Variants in KYNU observed in about 807,000 individuals in gnomAD.
KYNU encodes kynureninase, also known as L-kynurenine hydrolase.
Under a neutral mutation model 59.2 loss-of-function variants are expected in KYNU, and 54 were observed. The ratio of observed to expected loss-of-function variants is 0.91; its 90% confidence interval spans 0.73 to 1.14. KYNU has a LOEUF of 1.14. Ranked by LOEUF, KYNU falls within the 50% of genes most tolerant of loss-of-function variation. KYNU has a pLI of 0.00. For synonymous variants in KYNU, 177 were observed against 192.0 expected (o/e 0.92, Z 0.65); for missense variants, 567 against 554.4 (o/e 1.02, Z -0.23).
At chr2:143,029,453 G>T (rs1686675378) in intron 10 of KYNU, among the ~76,000 whole-genome samples, 174 bp from the exon 11 acceptor site, 1 of 152,122 alleles carries the variant, frequency 6.6e-6, no homozygotes, top group South Asian at 2.1e-4. Context: ...GGGCATGGTG[G>T]TGCATGCTTG....
chr2:142,905,982 T>TTC (rs1682280275), intron 2 of KYNU, among the ~76,000 whole-genome samples: 1 of 151,790 alleles, frequency 6.6e-6, no homozygotes, highest in Admixed American at 6.6e-5. Context: ...TTCTATTTCT[T>TTC]TCTCTCTCTC....
rs1682796113 is a variant in KYNU at position 142,919,519 on chromosome 2, C to A, written c.290+790C>A. Among the ~76,000 whole-genome samples the A allele has an allele frequency of 1.1e-4, 16 of 152,150 alleles. No individual in the cohort carries two copies. The South Asian group carries it at 3.3e-3, about 32-fold the overall frequency. On this transcript the variant is annotated intron_variant, in intron 3 of 13. Coordinates refer to ENST00000264170, the MANE Select transcript of KYNU (RefSeq NM_003937.3). ...AGGAAAACGTTTCAGAAAGATGAAA[C>A]CAAACCAAATAGAATTTCAGAGGAA...
chr2:142,918,132 C>A (rs973814747), intron 2 of KYNU, among the ~76,000 whole-genome samples: 6 of 152,214 alleles, frequency 3.9e-5, no homozygotes, highest in African/African-American at 4.8e-5. Context: ...ATGAAAAAAA[C>A]CGCATAAATC....
At chr2:142,973,767 G>T (rs776736296) in intron 8 of KYNU, among the ~76,000 whole-genome samples, 1 of 152,016 alleles carries the variant, frequency 6.6e-6, no homozygotes, top group African/African-American at 2.4e-5. Context: ...TTTACGTCAG[G>T]CTCTGGGTTT....
In KYNU at chr2:142,883,319, C is replaced by G. The variant is rs375215759; in HGVS notation, c.-19-2030C>G. Among the ~76,000 whole-genome samples the G allele has an allele frequency of 4.1e-3, 623 of 150,632 alleles. 8 individuals are homozygous for G. Among genetic ancestry groups the G allele is most frequent in the African/African-American group, 0.014 (590 of 41,060 alleles). On this transcript the variant is annotated intron_variant, in intron 1 of 13. Transcript: ENST00000264170. ...ACGCCATTCTCCTGCCTCAGCTTCCCGAGTAGCTGGGACTACAGGCGCCCG... is the reference window on the plus strand; with the variant it reads ...ACGCCATTCTCCTGCCTCAGCTTCCGGAGTAGCTGGGACTACAGGCGCCCG...
chr2:143,033,143 A>T, intron 11 of KYNU, 93 bp from the exon 12 acceptor site: 1 of 878,020 alleles, frequency 1.1e-6, no homozygotes, highest in Non-Finnish European at 1.9e-6. Flanking sequence ...AGAAAAGTTT[A>T]AGTCTTGCTC....
chr2:142,935,318 A>G (rs73963796), intron 4 of KYNU, among the ~76,000 whole-genome samples: 10,331 of 152,202 alleles, frequency 0.068, 918 homozygotes, highest in African/African-American at 0.21. Flanking sequence ...TTACTACTCT[A>G]TGGGCACCCT....
chr2:142,952,923 C>T (rs956184637), intron 4 of KYNU, among the ~76,000 whole-genome samples: 4 of 151,934 alleles, frequency 2.6e-5, no homozygotes, highest in Non-Finnish European at 2.9e-5. Context: ...CTCACCCTGC[C>T]ATTTTTTTTA....
At position 142,954,849 on chromosome 2, in the gene KYNU, C is replaced by T. The variant is rs377046390; in HGVS notation, c.413C>T (p.Thr138Ile). ...EKEIALMNAL[T>I]VNLHLLMLSF... Reference sequence around the variant, plus strand: ...GAAATAGCCCTAATGAATGCTTTGACTGTAAATTTACATCTTCTAATGGTA... The same window carrying T: ...GAAATAGCCCTAATGAATGCTTTGATTGTAAATTTACATCTTCTAATGGTA... Residue 138 changes from threonine (T) to isoleucine (I), a missense_variant, in exon 5 of 14, where the codon ACT becomes ATT. Transcript: ENST00000264170. 7 of 1,597,590 alleles carry T rather than the reference C, an allele frequency of 4.4e-6. No homozygotes were observed. The highest frequency in any genetic ancestry group is 1.1e-5 in the South Asian group (1 of 90,664).
intron 4 of KYNU, among the ~76,000 whole-genome samples, chr2:142,954,542 C>G (rs1684099750): frequency 6.6e-6 from 1 of 152,036 alleles, no homozygotes. Flanking sequence ...TTTTAGTTTA[C>G]AGGCAAAAGC....
chr2:142,978,343 G>A (rs1284037647), intron 8 of KYNU, among the ~76,000 whole-genome samples: 1 of 152,050 alleles, frequency 6.6e-6, no homozygotes, highest in East Asian at 1.9e-4. Flanking sequence ...TAGCACTGTA[G>A]TTCTTGGATT....
intron 10 of KYNU, among the ~76,000 whole-genome samples, chr2:143,028,291 G>A (rs1686636832): frequency 8.3e-6 from 1 of 120,902 alleles, no homozygotes; most frequent in Non-Finnish European, 1.6e-5. Context: ...TGTCACCCAG[G>A]TTGGAGTGCA....
rs528865490 is a variant in KYNU at position 143,028,050 on chromosome 2, G to A, written c.903-1577G>A. Among the ~76,000 whole-genome samples the A allele has an allele frequency of 2.0e-5, 3 of 151,830 alleles. 1 individual carries two copies. Among genetic ancestry groups the A allele is most frequent in the African/African-American group, 7.2e-5 (3 of 41,474 alleles). ...GTCATCTCCCAAAAAATAGTGTCTT[G>A]GAATTTTTATTTGGACATCACTAAA... On this transcript the variant is annotated intron_variant, in intron 10 of 13. Transcript: ENST00000264170.
At position 143,040,564 on chromosome 2, in the gene KYNU, C is replaced by T. The variant is rs376044073; in HGVS notation, c.1178C>T (p.Pro393Leu). ...TKKPVVNIIT[P>L]SHVEERGCQL... ...AAACCAGTTGTGAACATAATTACTC[C>T]GTCTCATGTAGAGGAGCGGGGGTGC... is the stretch of plus-strand genomic sequence containing the variant. The change falls in exon 13 of 14, where the codon CCG becomes CTG. Residue 393 changes from proline (P) to leucine (L), a missense_variant. By Grantham distance (98) the Pro-to-Leu change is moderately conservative. Coordinates refer to ENST00000264170, the MANE Select transcript of KYNU (RefSeq NM_003937.3). 41 of 1,612,680 alleles carry T rather than the reference C, an allele frequency of 2.5e-5. No individual in the cohort carries two copies. Among genetic ancestry groups the T allele is most frequent in the African/African-American group, 6.7e-5 (5 of 74,850 alleles).
chr2:143,000,516 G>A (rs2105184793), intron 10 of KYNU, among the ~76,000 whole-genome samples: 1 of 152,208 alleles, frequency 6.6e-6, no homozygotes, highest in South Asian at 2.1e-4. Context: ...ATTGCAATTT[G>A]GGGCACACAT....
intron 8 of KYNU, among the ~76,000 whole-genome samples, chr2:142,980,046 C>T (rs1456614665): frequency 6.6e-6 from 1 of 152,046 alleles, no homozygotes; most frequent in East Asian, 1.9e-4. Flanking sequence ...GTGGATTATT[C>T]ATGATTTTTC....
chr2:142,989,345 T>G, intron 10 of KYNU: 4 of 1,004,022 alleles, frequency 4.0e-6, no homozygotes, highest in Non-Finnish European at 4.8e-6. Context: ...CTCTTAGAGC[T>G]TTAGAGAGAC....
At position 143,050,209 on chromosome 2, in the gene KYNU, A is replaced by G. The variant is rs1687239149; in HGVS notation, c.*8037A>G. 6.6e-6 allele frequency: 1 copy of G among 151,942 alleles called. No homozygotes were observed. Among genetic ancestry groups the G allele is most frequent in the Non-Finnish European group, 1.5e-5 (1 of 67,976 alleles). 9.4% of individuals were successfully genotyped at this position (151,942 alleles called of 1,614,324 possible). A position where few individuals can be genotyped will look rare whatever the true frequency, so the allele number is the denominator to read the frequency against. ...AATTTCTTCTAAAGAAAACCAGGAT[A>G]CATGTGCAGAACCTGCAGGTTTGTT... On this transcript the variant is annotated 3_prime_UTR_variant, in exon 14 of 14. Transcript: ENST00000264170.
chr2:142,887,660 G>A (rs564396042), intron 2 of KYNU, among the ~76,000 whole-genome samples: 5 of 152,118 alleles, frequency 3.3e-5, no homozygotes, highest in African/African-American at 7.2e-5. Flanking sequence ...TAATCCAGAC[G>A]CAAAAAGAAA....
Sources: allele counts gnomAD v4.1 joint callset (sites outside exome capture counted in the v4.1 genomes callset), GRCh38; gene constraint gnomAD v4.1.1; transcripts MANE v1.5; gene names NCBI Gene and HGNC (gene_info 2026-07-23, HGNC 2026-07-21).